The following USH2A variants were observed in gnomAD, a reference collection of about 807,000 sequenced individuals.
USH2A encodes Usher syndrome 2A (autosomal recessive, mild).
Under a neutral mutation model 538.9 loss-of-function variants are expected in USH2A, and 443 were observed. The ratio of observed to expected loss-of-function variants is 0.82; its 90% CI spans 0.76 to 0.89. USH2A has a LOEUF of 0.89. Ranked by LOEUF, USH2A falls within the 40% of genes least tolerant of loss-of-function variation. USH2A has a pLI of 0.00. For missense variants in USH2A, 6,633 were observed against 6,324.8 expected (o/e 1.05, Z -1.65); for synonymous variants, 2,413 against 2,273.5 (o/e 1.06, Z -1.75).
In USH2A at chr1:215,674,548, T is replaced by C. The variant is rs768847990; in HGVS notation, c.13363A>G (p.Thr4455Ala). Residue 4455 changes from threonine (T) to alanine (A), a missense_variant, in exon 63 of 72, where the codon ACA becomes GCA. Physicochemically the swap from Thr to Ala is moderately conservative, Grantham distance 58. Transcript: ENST00000307340. ...GTGATTTCTATTGATTCTGAGCCTG[T>C]GACTTGCAATGTTGGAGAGTCCATG... Reference protein sequence around the residue: ...ENMDSPTLQVTGSESIEITWK... With the variant: ...ENMDSPTLQVAGSESIEITWK... 1.9e-6 allele frequency: 3 copies of C among 1,614,162 alleles called. No homozygotes were observed. Among genetic ancestry groups the C allele is most frequent in the South Asian group, 1.1e-5 (1 of 91,084 alleles).
intron 44 of USH2A, among the ~76,000 whole-genome samples, chr1:215,863,464 T>C (rs1664383478): frequency 6.6e-6 from 1 of 152,254 alleles, no homozygotes; most frequent in Admixed American, 6.5e-5. Flanking sequence ...GATATACTTC[T>C]AGCTATCAAA....
chr1:215,890,326 G>C (rs559940281), intron 40 of USH2A, among the ~76,000 whole-genome samples: 75 of 152,274 alleles, frequency 4.9e-4, no homozygotes, highest in African/African-American at 1.8e-3. Context: ...ATGCGATTCA[G>C]TGTTACAAAG....
intron 35 of USH2A, among the ~76,000 whole-genome samples, chr1:215,977,035 A>G (rs1667634793): frequency 6.7e-6 from 1 of 150,092 alleles, no homozygotes; most frequent in African/African-American, 2.5e-5. Context: ...AGTTCCTACC[A>G]AAAACAACAA....
At chr1:216,349,834 T>C (rs2038245539) in intron 4 of USH2A, among the ~76,000 whole-genome samples, 1 of 152,202 alleles carries the variant, frequency 6.6e-6, no homozygotes, top group Non-Finnish European at 1.5e-5. Context: ...CTTAATATAC[T>C]TGCTTTTAAT....
intron 21 of USH2A, among the ~76,000 whole-genome samples, chr1:216,106,455 A>G (rs1190523099): frequency 1.3e-5 from 2 of 151,182 alleles, no homozygotes; most frequent in Non-Finnish European, 3.0e-5. Flanking sequence ...TATTGAGATA[A>G]TATGATATTT....
intron 61 of USH2A, among the ~76,000 whole-genome samples, chr1:215,690,640 A>G (rs1216808274): frequency 2.0e-5 from 3 of 152,168 alleles, no homozygotes; most frequent in African/African-American, 7.2e-5. Flanking sequence ...GTACCTAGAA[A>G]AGCTGCTTCA....
rs117056684 is a variant in USH2A, at chr1:215,745,290, A to G, written c.11390-1955T>C. On this transcript the variant is annotated intron_variant, in intron 58 of 71. Coordinates refer to ENST00000307340, the MANE Select transcript of USH2A (RefSeq NM_206933.4). ...GGAGACTTTGCAGGTATAAATAAGA[A>G]AATAAGAGTCTACCTATATTTTAGA... is the stretch of plus-strand genomic sequence containing the variant. Among the ~76,000 whole-genome samples, 968 of 152,268 alleles carry G rather than the reference A, an allele frequency of 6.4e-3. 40 individuals carry two copies. Among genetic ancestry groups the G allele is most frequent in the Admixed American group, 0.053 (817 of 15,290 alleles).
At chr1:216,064,350 T>A (rs928031756) in intron 30 of USH2A, among the ~76,000 whole-genome samples, 1 of 151,976 alleles carries the variant, frequency 6.6e-6, no homozygotes, top group Non-Finnish European at 1.5e-5. Context: ...ACACCTGCAC[T>A]CACTCACTCT....
chr1:216,094,605 C>T (rs576827149), intron 22 of USH2A, among the ~76,000 whole-genome samples: 88 of 152,050 alleles, frequency 5.8e-4, no homozygotes, highest in Admixed American at 1.8e-3. Context: ...TTCACTGATG[C>T]TTCTTCTTTT....
At chr1:215,625,924 C>T (rs1162354571) in intron 71 of USH2A, 54 bp from the exon 72 acceptor site, 2 of 1,519,514 alleles carry the variant, frequency 1.3e-6, no homozygotes, top group African/African-American at 1.4e-5. Flanking sequence ...ATAGTATTTG[C>T]TATCAATTTA....
At chr1:215,773,490 CTG>C (rs59968840) in intron 55 of USH2A, among the ~76,000 whole-genome samples, 37,987 of 145,774 alleles carry the variant, frequency 0.26, 5,929 homozygotes, top group African/African-American at 0.44. Flanking sequence ...CTCTGTCTCT[CTG>C]TCTCTCTCTC....
chr1:216,414,937 A>G (rs992922134), intron 3 of USH2A, among the ~76,000 whole-genome samples: 7 of 152,170 alleles, frequency 4.6e-5, no homozygotes, highest in Non-Finnish European at 1.0e-4. Context: ...TAATCATGCA[A>G]CAGTAAGTTA....
chr1:216,179,486 T>G (rs1026185355), intron 20 of USH2A, among the ~76,000 whole-genome samples: 1 of 151,990 alleles, frequency 6.6e-6, no homozygotes, highest in Non-Finnish European at 1.5e-5. Flanking sequence ...AGAACTAGAG[T>G]ACATTTTTTA....
intron 11 of USH2A, among the ~76,000 whole-genome samples, chr1:216,273,909 G>T (rs1166702286): frequency 6.6e-6 from 1 of 151,216 alleles, no homozygotes; most frequent in Non-Finnish European, 1.5e-5. Context: ...AAAAAATTTT[G>T]AATATACAAA....
At chr1:215,789,651 G>A (rs1375792350) in intron 51 of USH2A, among the ~76,000 whole-genome samples, 2 of 152,102 alleles carry the variant, frequency 1.3e-5, no homozygotes, top group African/African-American at 2.4e-5. Context: ...TGGATCTAAG[G>A]TCTCTATCAA....
At chr1:216,099,692 C>T (rs1281220694) in intron 21 of USH2A, among the ~76,000 whole-genome samples, 1 of 152,080 alleles carries the variant, frequency 6.6e-6, no homozygotes, top group Non-Finnish European at 1.5e-5. Context: ...CACATTAAGA[C>T]ATATTGATAT....
intron 37 of USH2A, among the ~76,000 whole-genome samples, chr1:215,949,653 T>A (rs533082776): frequency 6.6e-6 from 1 of 152,022 alleles, no homozygotes; most frequent in Non-Finnish European, 1.5e-5. Flanking sequence ...TCTGATAAAT[T>A]TAGCAAAATA....
chr1:215,997,439 T>C (rs1397898565), intron 34 of USH2A, among the ~76,000 whole-genome samples: 1 of 152,134 alleles, frequency 6.6e-6, no homozygotes, highest in Non-Finnish European at 1.5e-5. Flanking sequence ...GTTCTAATTT[T>C]AGACTTGAAG....
At chr1:215,953,928 G>T (rs2102443743) in intron 37 of USH2A, among the ~76,000 whole-genome samples, 1 of 152,236 alleles carries the variant, frequency 6.6e-6, no homozygotes, top group South Asian at 2.1e-4. Context: ...CTTCTCAAAA[G>T]AAGACATTTA....
Sources: gnomAD v4.1 joint callset for allele counts (sites outside exome capture counted in the v4.1 genomes callset) on GRCh38, gnomAD v4.1.1 for gene constraint, MANE v1.5 for transcripts, NCBI Gene and HGNC (gene_info 2026-07-23, HGNC 2026-07-21) for gene names.